CCDC148: variants seen among roughly 807,000 people sequenced by gnomAD.
CCDC148 encodes coiled-coil domain-containing protein 148.
A neutral mutation model predicts 85.7 loss-of-function variants in CCDC148; 89 were observed. The observed-to-expected ratio is 1.04, with a 90% CI of 0.87 to 1.24. CCDC148 has a LOEUF of 1.24. CCDC148 is among the 50% of genes most tolerant of loss of function. The probability of loss-of-function intolerance (pLI) is 0.00; values close to 1 mark genes in which losing one functional copy is unlikely to be tolerated. For synonymous variants in CCDC148, 230 were observed against 213.9 expected, an observed-to-expected ratio of 1.08 and a Z score of -0.66; for missense variants, 692 against 671.7, an observed-to-expected ratio of 1.03 and a Z score of -0.33.
chr2:158,368,963 G>A (rs1189582698), intron 1 of CCDC148, among the ~76,000 whole-genome samples: 1 of 151,742 alleles, frequency 6.6e-6, no homozygotes, highest in Non-Finnish European at 1.5e-5. Flanking sequence ...ACTGAGGAAG[G>A]AAAAAGTCAA....
intron 1 of CCDC148, among the ~76,000 whole-genome samples, chr2:158,375,032 A>G (rs941868123): frequency 2.0e-5 from 3 of 152,038 alleles, no homozygotes; most frequent in Admixed American, 6.6e-5. Flanking sequence ...AGTTGTTTGA[A>G]TTCACAAATG....
At position 158,185,960 on chromosome 2, in the gene CCDC148, T is replaced by C. The variant is rs182829149; in HGVS notation, c.1371-6964A>G. 7.9e-4 allele frequency among the ~76,000 whole-genome samples: 121 copies of C among 152,208 alleles called. 2 individuals are homozygous for C. In the Middle Eastern group the frequency reaches 0.017, roughly 21 times the overall value. On this transcript the variant is annotated intron_variant, in intron 11 of 13. Transcript: ENST00000283233. Reference sequence around the variant, plus strand: ...TAAAATACTTCCTCCACTGGAACACTCAGCCACACCTGACCCCATTCTCAG... The same window carrying C: ...TAAAATACTTCCTCCACTGGAACACCCAGCCACACCTGACCCCATTCTCAG...
intron 10 of CCDC148, among the ~76,000 whole-genome samples, chr2:158,246,698 A>G (rs1022315458): frequency 3.9e-5 from 6 of 152,156 alleles, no homozygotes; most frequent in African/African-American, 1.2e-4. Context: ...GTCACATAGG[A>G]CTTGTCCAGA....
In CCDC148 at chr2:158,339,344, C is replaced by T. The variant is rs147551759; in HGVS notation, c.487-259G>A. On this transcript the variant is annotated intron_variant, in intron 5 of 13. Coordinates refer to ENST00000283233, the MANE Select transcript of CCDC148 (RefSeq NM_138803.4). ...CTCTGCACCCACCTTTTTATTTTCT[C>T]TGTGGTAATGCAGAGAACTTACCAG... Among the ~76,000 whole-genome samples, 1,127 of 152,238 alleles carry T rather than the reference C, an allele frequency of 7.4e-3. 19 individuals are homozygous for T. Among genetic ancestry groups the T allele is most frequent in the African/African-American group, 0.026 (1,075 of 41,546 alleles).
intron 9 of CCDC148, among the ~76,000 whole-genome samples, chr2:158,274,005 G>T (rs1689812850): frequency 6.6e-6 from 1 of 152,164 alleles, no homozygotes; most frequent in African/African-American, 2.4e-5. Flanking sequence ...CTGGCCTCCA[G>T]GGCTATGTTC....
intron 7 of CCDC148, among the ~76,000 whole-genome samples, chr2:158,326,428 G>A (rs1430441823): frequency 6.6e-6 from 1 of 151,994 alleles, no homozygotes; most frequent in Non-Finnish European, 1.5e-5. Flanking sequence ...TATGTATTAT[G>A]TTTATGGTTT....
chr2:158,351,465 A>AC, intron 2 of CCDC148, among the ~76,000 whole-genome samples: 1 of 48,328 alleles, frequency 2.1e-5, no homozygotes, highest in African/African-American at 8.4e-5. Context: ...AGTCAAAGAA[A>AC]GGGGCACCTG....
At chr2:158,402,588 A>G (rs541960610) in intron 1 of CCDC148, among the ~76,000 whole-genome samples, 4 of 152,176 alleles carry the variant, frequency 2.6e-5, no homozygotes, top group African/African-American at 9.6e-5. Context: ...TGGGGATTAT[A>G]ATGTGGTATA....
chr2:158,448,623 C>T (rs1371473319), intron 1 of CCDC148, among the ~76,000 whole-genome samples: 1 of 152,114 alleles, frequency 6.6e-6, no homozygotes, highest in Non-Finnish European at 1.5e-5. Flanking sequence ...GGATCACAGG[C>T]ATGAGCCACT....
intron 1 of CCDC148, among the ~76,000 whole-genome samples, chr2:158,437,398 G>A (rs1273919893): frequency 3.3e-5 from 5 of 152,178 alleles, no homozygotes; most frequent in Admixed American, 6.5e-5. Flanking sequence ...CTCAGTAGAT[G>A]CAGAAAAGGC....
intron 1 of CCDC148, among the ~76,000 whole-genome samples, chr2:158,406,363 C>T (rs374503858): frequency 1.3e-5 from 2 of 152,172 alleles, no homozygotes; most frequent in South Asian, 2.1e-4. Flanking sequence ...ATCCCAACTA[C>T]ATGGTGCTCG....
chr2:158,290,098 G>A (rs1441373827), intron 9 of CCDC148, among the ~76,000 whole-genome samples: 11 of 152,198 alleles, frequency 7.2e-5, no homozygotes, highest in Non-Finnish European at 2.9e-5. Context: ...CATAGTAGAG[G>A]TGGACCTGGG....
At chr2:158,214,827 A>T (rs1686763288) in intron 11 of CCDC148, among the ~76,000 whole-genome samples, 1 of 152,184 alleles carries the variant, frequency 6.6e-6, no homozygotes, top group African/African-American at 2.4e-5. Flanking sequence ...TTTCTAAAGG[A>T]TCTAGCAAAA....
intron 9 of CCDC148, among the ~76,000 whole-genome samples, chr2:158,266,078 C>T (rs569828499): frequency 6.6e-6 from 1 of 152,286 alleles, no homozygotes; most frequent in African/African-American, 2.4e-5. Flanking sequence ...ATCCACCTTT[C>T]ATATCCACGC....
chr2:158,380,726 T>G, intron 1 of CCDC148: 1 of 152,160 alleles, frequency 6.6e-6, no homozygotes, highest in African/African-American at 2.4e-5. Context: ...AGATCCATTA[T>G]GAAGTTCTAA....
At chr2:158,318,972 T>C in intron 7 of CCDC148, among the ~76,000 whole-genome samples, 1 of 152,102 alleles carries the variant, frequency 6.6e-6, no homozygotes. Flanking sequence ...TCTTGTTCTG[T>C]TGCCTAGGCT....
Position 158,402,489 on chromosome 2 carries a change from T to C in CCDC148, c.26-43919A>G, listed in dbSNP as rs991920842. Among the ~76,000 whole-genome samples, 19 of 152,140 alleles carry C rather than the reference T, an allele frequency of 1.2e-4. 1 individual carries two copies. The highest frequency in any genetic ancestry group is 8.5e-4 in the Admixed American group (13 of 15,236). The stretch of plus-strand genomic sequence containing the variant: ...ACCAGCATAGCTAAAGAGATCAGTT[T>C]TCCTGAGGTGTCAGGTATGGGATCA... On this transcript the variant is annotated intron_variant, in intron 1 of 13. Coordinates refer to ENST00000283233, the MANE Select transcript of CCDC148 (RefSeq NM_138803.4).
chr2:158,264,637 G>A (rs935584455), intron 9 of CCDC148, among the ~76,000 whole-genome samples: 1 of 151,814 alleles, frequency 6.6e-6, no homozygotes, highest in Non-Finnish European at 1.5e-5. Flanking sequence ...TAAAATTAAG[G>A]GGCTATTATA....
rs1559018107 is a variant in CCDC148, at chr2:158,250,843, CTCT to C, written c.1177_1179del (p.Arg393del). On this transcript the variant is annotated inframe_deletion, in exon 10 of 14. Transcript: ENST00000283233. The stretch of plus-strand genomic sequence containing the variant: ...AGTTTCTCTTTCTCCTCTTCCTTTT[CTCT>C]TCTTCTGGCAGAAATTTCCATTTCC... The C allele has an allele frequency of 6.2e-7, 1 of 1,605,928 alleles. No individual in the cohort carries two copies. The highest frequency in any genetic ancestry group is 8.5e-7 in the Non-Finnish European group (1 of 1,177,600).
Sources: allele counts gnomAD v4.1 joint callset (sites outside exome capture counted in the v4.1 genomes callset), GRCh38; gene constraint gnomAD v4.1.1; transcripts MANE v1.5; gene names NCBI Gene and HGNC (gene_info 2026-07-23, HGNC 2026-07-21).